The following GALNT7 variants were observed in gnomAD, a reference collection of about 807,000 sequenced individuals.
The protein encoded by GALNT7 is N-acetylgalactosaminyltransferase 7.
GALNT7 carries 60 observed loss-of-function variants against 82.1 expected under a neutral mutation model. That is an observed-to-expected ratio of 0.73 (90% confidence interval 0.59 to 0.91). GALNT7 has a LOEUF of 0.91. GALNT7 is among the 40% of genes least tolerant of loss of function. The pLI, the probability that GALNT7 is intolerant of heterozygous loss-of-function variation, is 0.00. For missense variants in GALNT7, 660 were observed against 804.2 expected (o/e 0.82, Z 2.17); for synonymous variants, 243 against 275.1 (o/e 0.88, Z 1.15).
intron 1 of GALNT7, among the ~76,000 whole-genome samples, chr4:173,246,979 C>T (rs954846398): frequency 1.3e-5 from 2 of 152,052 alleles, no homozygotes; most frequent in African/African-American, 4.8e-5. Flanking sequence ...GAGCAGCCCT[C>T]CCATTAAGCC....
intron 1 of GALNT7, among the ~76,000 whole-genome samples, chr4:173,239,049 T>C (rs1734325149): frequency 6.6e-6 from 1 of 152,236 alleles, no homozygotes; most frequent in Admixed American, 6.5e-5. Context: ...AGCAGGGAAC[T>C]GTTTGCAAGA....
chr4:173,257,279 CA>C (rs1213878726), intron 2 of GALNT7, among the ~76,000 whole-genome samples: 1 of 152,132 alleles, frequency 6.6e-6, no homozygotes, highest in African/African-American at 2.4e-5. Flanking sequence ...AAAGCAAGAT[CA>C]TAAGCACCAA....
intron 5 of GALNT7, 90 bp from the exon 6 acceptor site, chr4:173,298,025 C>CTTTTTTTTTTTTTTTT: frequency 7.1e-7 from 1 of 1,416,498 alleles, no homozygotes; most frequent in Non-Finnish European, 9.5e-7. Flanking sequence ...TATCTAAGTT[C>CTTTTTTTTTTTTTTTT]TTTTTTTTTT....
intron 1 of GALNT7, among the ~76,000 whole-genome samples, chr4:173,188,974 G>A (rs1472201441): frequency 6.6e-6 from 1 of 152,156 alleles, no homozygotes; most frequent in Non-Finnish European, 1.5e-5. Flanking sequence ...TGCCCTCGAG[G>A]GAGAGGTTAA....
intron 5 of GALNT7, 148 bp from the exon 6 acceptor site, chr4:173,297,967 G>A (rs1736780667): frequency 6.8e-7 from 1 of 1,480,722 alleles, no homozygotes; most frequent in East Asian, 2.5e-5. Context: ...ACATAAAACT[G>A]AACCTTATCG....
intron 1 of GALNT7, among the ~76,000 whole-genome samples, chr4:173,186,528 A>G (rs1178334600): frequency 6.6e-6 from 1 of 152,146 alleles, no homozygotes; most frequent in African/African-American, 2.4e-5. Context: ...TTTTATACAT[A>G]CTGTTTTTCC....
intron 1 of GALNT7, among the ~76,000 whole-genome samples, chr4:173,214,654 T>G (rs1292915866): frequency 6.6e-6 from 1 of 152,174 alleles, no homozygotes; most frequent in Admixed American, 6.5e-5. Context: ...ATAGAGCTGT[T>G]TCAACCACTA....
chr4:173,320,904 A>G lies in GALNT7; in HGVS notation c.1837-676A>G, dbSNP rs1304408834. On this transcript the variant is annotated intron_variant, in intron 11 of 11. Coordinates refer to ENST00000265000, the MANE Select transcript of GALNT7 (RefSeq NM_017423.3). The surrounding 1 kb of genome is among the most constrained non-coding windows in gnomAD (Gnocchi z 4.1). ...TTTTCAACTGTGTGTGGCCATGAGC[A>G]ATACAACTATAGGTACTAGCATAGT... Among the ~76,000 whole-genome samples, 5 of 152,214 alleles carry G rather than the reference A, an allele frequency of 3.3e-5. No homozygotes were observed. The East Asian group carries it at 9.6e-4, about 29-fold the overall frequency.
intron 1 of GALNT7, among the ~76,000 whole-genome samples, chr4:173,187,900 T>G (rs1017837691): frequency 6.6e-6 from 1 of 152,228 alleles, no homozygotes; most frequent in African/African-American, 2.4e-5. Context: ...CTTCATATTA[T>G]GAATATGTAA....
chr4:173,253,004 A>G (rs1734899636), intron 2 of GALNT7, among the ~76,000 whole-genome samples: 1 of 152,144 alleles, frequency 6.6e-6, no homozygotes, highest in South Asian at 2.1e-4. Flanking sequence ...GTTCGAGACC[A>G]GCCTGGGCAA....
intron 2 of GALNT7, among the ~76,000 whole-genome samples, chr4:173,276,804 G>T (rs1216472857): frequency 6.6e-6 from 1 of 152,200 alleles, no homozygotes; most frequent in East Asian, 1.9e-4. Flanking sequence ...TGATGACTAG[G>T]TTGCATGAAA....
chr4:173,176,670 A>G (rs1231320736), intron 1 of GALNT7, among the ~76,000 whole-genome samples: 2 of 152,208 alleles, frequency 1.3e-5, no homozygotes, highest in African/African-American at 2.4e-5. Flanking sequence ...GGATGCTGTC[A>G]GAGAGCTTGT....
intron 1 of GALNT7, among the ~76,000 whole-genome samples, chr4:173,236,697 A>G (rs1242613319): frequency 1.3e-5 from 2 of 152,122 alleles, no homozygotes; most frequent in Non-Finnish European, 2.9e-5. Flanking sequence ...CCCACCGCCT[A>G]TGTACTGGGG....
intron 1 of GALNT7, among the ~76,000 whole-genome samples, chr4:173,175,036 CAG>C (rs1171404897): frequency 6.6e-6 from 1 of 152,128 alleles, no homozygotes; most frequent in Non-Finnish European, 1.5e-5. Context: ...CATCTGTAAA[CAG>C]AATATGTGGA....
chr4:173,238,206 T>A (rs569561165), intron 1 of GALNT7, among the ~76,000 whole-genome samples: 7 of 152,240 alleles, frequency 4.6e-5, no homozygotes, highest in Non-Finnish European at 1.0e-4. Context: ...TGCTTTCATT[T>A]TTTTTCTCTT....
At chr4:173,248,474 G>A in intron 2 of GALNT7, 34 bp downstream of exon 2, 6 of 1,332,898 alleles carry the variant, frequency 4.5e-6, no homozygotes, top group Non-Finnish European at 6.3e-6. Context: ...TAAAAATGGG[G>A]CAACTGTTGT....
At chr4:173,224,228 G>A (rs1282132790) in intron 1 of GALNT7, among the ~76,000 whole-genome samples, 1 of 152,264 alleles carries the variant, frequency 6.6e-6, no homozygotes, top group South Asian at 2.1e-4. Flanking sequence ...CTTCTAAAAA[G>A]TTAGGGTAAT....
At chr4:173,298,846 A>T (rs1400366361) in intron 6 of GALNT7, among the ~76,000 whole-genome samples, 1 of 152,244 alleles carries the variant, frequency 6.6e-6, no homozygotes, top group Non-Finnish European at 1.5e-5. Context: ...ATGACTTTAA[A>T]AAATGTTACA....
chr4:173,266,450 A>G (rs1230754844), intron 2 of GALNT7, among the ~76,000 whole-genome samples: 1 of 152,208 alleles, frequency 6.6e-6, no homozygotes, highest in East Asian at 1.9e-4. Flanking sequence ...ACCTTTCACT[A>G]TACCAGACAA....
Sources: allele counts gnomAD v4.1 joint callset (sites outside exome capture counted in the v4.1 genomes callset), GRCh38; gene constraint gnomAD v4.1.1; non-coding constraint Gnocchi (gnomAD v3.1); transcripts MANE v1.5; gene names NCBI Gene and HGNC (gene_info 2026-07-23, HGNC 2026-07-21).